The following AOAH variants were observed in gnomAD, a reference collection of about 807,000 sequenced individuals.
AOAH encodes the protein acyloxyacyl hydrolase (neutrophil).
In AOAH, 64 loss-of-function variants were observed where a neutral mutation model predicts 92.2. The observed-to-expected ratio is 0.69, with a 90% CI of 0.57 to 0.86. The LOEUF is 0.86. AOAH is among the 40% of genes least tolerant of loss of function. AOAH has a pLI of 0.00. For synonymous variants in AOAH, 263 were observed against 254.5 expected, an observed-to-expected ratio of 1.03 and a Z score of -0.32; for missense variants, 656 against 694.6, an observed-to-expected ratio of 0.94 and a Z score of 0.62.
intron 9 of AOAH, among the ~76,000 whole-genome samples, chr7:36,619,063 A>G (rs1302639276): frequency 6.6e-6 from 1 of 152,198 alleles, no homozygotes; most frequent in East Asian, 1.9e-4. Context: ...TGGAAGGATT[A>G]TTCATAGTAT....
At chr7:36,525,458 T>A (rs1784353061) in intron 19 of AOAH, among the ~76,000 whole-genome samples, 1 of 152,220 alleles carries the variant, frequency 6.6e-6, no homozygotes, top group Admixed American at 6.5e-5. Context: ...CTATTTTCAT[T>A]TTGATTTGCA....
At chr7:36,519,865 A>G (rs1213247194) in intron 20 of AOAH, among the ~76,000 whole-genome samples, 1 of 152,214 alleles carries the variant, frequency 6.6e-6, no homozygotes, top group South Asian at 2.1e-4. Context: ...ACTCTATACT[A>G]TAATTTTAAA....
rs139387681 is a variant in AOAH at position 36,548,334 on chromosome 7, C to T, written c.1133+278G>A. ...TCATGTAGCTGAGATTACAGGCACA[C>T]GCCACCATGCCCAGCTAATTGTTGT... On this transcript the variant is annotated intron_variant, in intron 15 of 20. Transcript: ENST00000617537. 6.8e-4 allele frequency among the ~76,000 whole-genome samples: 104 copies of T among 152,272 alleles called. No individual in the cohort carries two copies. The East Asian group carries it at 0.018, about 27-fold the overall frequency.
intron 1 of AOAH, among the ~76,000 whole-genome samples, chr7:36,722,133 C>T (rs1489538634): frequency 6.6e-6 from 1 of 152,146 alleles, no homozygotes; most frequent in Admixed American, 6.5e-5. Context: ...CTCGGTCACT[C>T]CTACATGGAG....
At chr7:36,526,240 T>C (rs1011745948) in intron 19 of AOAH, among the ~76,000 whole-genome samples, 3 of 151,940 alleles carry the variant, frequency 2.0e-5, no homozygotes, top group African/African-American at 7.3e-5. Flanking sequence ...CTACAACCTG[T>C]TTATTTACAG....
chr7:36,528,998 T>A (rs1784542115), intron 19 of AOAH, among the ~76,000 whole-genome samples: 1 of 152,186 alleles, frequency 6.6e-6, no homozygotes, highest in Non-Finnish European at 1.5e-5. Flanking sequence ...TTGATTTTGC[T>A]TATCCAAAAG....
chr7:36,548,667 A>G lies in AOAH; in HGVS notation c.1078T>C (p.Leu360=). The change falls in exon 15 of 21, where the codon TTG becomes CTG. Residue 360 remains leucine (L), a synonymous_variant. Coordinates refer to ENST00000617537, the MANE Select transcript of AOAH (RefSeq NM_001637.4). The part of the protein sequence containing the change: ...FIESLSRNKV[L]DYPAIVIYAM... ...TATATAACGATGGCGGGATAGTCCA[A>G]CACCTTGTTTCTAGACAAGCTGAGA... is the stretch of plus-strand genomic sequence containing the variant. The G allele has an allele frequency of 6.2e-7, 1 of 1,613,726 alleles. No individual in the cohort carries two copies. The highest frequency in any genetic ancestry group is 8.5e-7 in the Non-Finnish European group (1 of 1,179,712).
At chr7:36,706,736 A>G (rs796708688) in intron 1 of AOAH, among the ~76,000 whole-genome samples, 30 of 152,330 alleles carry the variant, frequency 2.0e-4, no homozygotes, top group African/African-American at 7.0e-4. Flanking sequence ...TGTAGCTTCT[A>G]CATCAGCATG....
intron 4 of AOAH, 112 bp from the exon 5 acceptor site, chr7:36,638,022 C>T (rs1273454041): frequency 2.5e-6 from 2 of 800,662 alleles, no homozygotes; most frequent in Non-Finnish European, 4.0e-6. Context: ...ATGAACCACT[C>T]CATAAATTTG....
At chr7:36,711,260 T>A (rs1798753409) in intron 1 of AOAH, among the ~76,000 whole-genome samples, 1 of 152,218 alleles carries the variant, frequency 6.6e-6, no homozygotes, top group South Asian at 2.1e-4. Context: ...TATAACTTAA[T>A]GGGGATTTTA....
At chr7:36,651,250 T>C (rs1360295553) in intron 4 of AOAH, among the ~76,000 whole-genome samples, 1 of 152,270 alleles carries the variant, frequency 6.6e-6, no homozygotes, top group Non-Finnish European at 1.5e-5. Context: ...TGTGCTGGAA[T>C]ACTGTTCTAC....
chr7:36,696,747 C>T (rs999158485), intron 1 of AOAH, among the ~76,000 whole-genome samples: 15 of 152,078 alleles, frequency 9.9e-5, no homozygotes, highest in African/African-American at 3.6e-4. Flanking sequence ...GTAATCCCAG[C>T]TACTCGGGAG....
chr7:36,517,214 C>CTTTCTTTCTTTCTCTT (rs59205788), intron 20 of AOAH, among the ~76,000 whole-genome samples: 2,362 of 104,522 alleles, frequency 0.023, 83 homozygotes, highest in African/African-American at 0.053. Flanking sequence ...TTCTTTCTTT[C>CTTTCTTTCTTTCTCTT]TCTTTCTTTC....
chr7:36,618,727 C>A (rs1248115168), intron 9 of AOAH, among the ~76,000 whole-genome samples: 1 of 152,136 alleles, frequency 6.6e-6, no homozygotes, highest in Admixed American at 6.5e-5. Flanking sequence ...TCTTCAGTAC[C>A]TAAGATTGAT....
intron 1 of AOAH, among the ~76,000 whole-genome samples, chr7:36,695,724 G>T (rs1428546274): frequency 1.3e-5 from 2 of 152,112 alleles, no homozygotes; most frequent in Non-Finnish European, 2.9e-5. Flanking sequence ...TAACATCTAT[G>T]GGATTTGCAA....
Position 36,659,163 on chromosome 7 carries a change from C to A in AOAH, c.390+3G>T, listed in dbSNP as rs750694220. 1 of 1,610,950 alleles carries A rather than the reference C, an allele frequency of 6.2e-7. No individual in the cohort carries two copies. The highest frequency in any genetic ancestry group is 1.1e-5 in the South Asian group (1 of 91,020). The stretch of plus-strand genomic sequence containing the variant: ...CAGATGTTCAGAGTGATTACACACT[C>A]ACCTTGGGAAGAGGGTAGAGATGAC... On this transcript the variant is annotated splice_donor_region_variant and intron_variant, in intron 4 of 20. Coordinates refer to ENST00000617537, the MANE Select transcript of AOAH (RefSeq NM_001637.4).
intron 1 of AOAH, chr7:36,690,277 A>C (rs1797313211): frequency 2.4e-6 from 1 of 418,134 alleles, no homozygotes; most frequent in Non-Finnish European, 4.7e-6. Flanking sequence ...CACTTTGCCC[A>C]GTGAAGAGTT....
chr7:36,555,483 G>A (rs1259225209), intron 13 of AOAH, among the ~76,000 whole-genome samples: 2 of 152,194 alleles, frequency 1.3e-5, no homozygotes, highest in African/African-American at 2.4e-5. Context: ...TTGGTAGCAG[G>A]ATGATGCTGG....
At chr7:36,615,902 A>C (rs1583951039) in intron 11 of AOAH, among the ~76,000 whole-genome samples, 1 of 147,856 alleles carries the variant, frequency 6.8e-6, no homozygotes, top group South Asian at 2.2e-4. Flanking sequence ...TTATTAAAAA[A>C]CCCTCCCAGA....
Sources: gnomAD v4.1 joint callset for allele counts (sites outside exome capture counted in the v4.1 genomes callset) on GRCh38, gnomAD v4.1.1 for gene constraint, MANE v1.5 for transcripts, NCBI Gene and HGNC (gene_info 2026-07-23, HGNC 2026-07-21) for gene names.